ING1: variants seen among roughly 807,000 people sequenced by gnomAD.
The protein encoded by ING1 is inhibitor of growth protein 1.
A neutral mutation model predicts 23.1 loss-of-function variants in ING1; 4 were observed. The observed-to-expected ratio is 0.17, with a 90% CI of 0.09 to 0.40. ING1 has a LOEUF of 0.40. Among genes scored for constraint, ING1 ranks in the 10% least tolerant of loss-of-function variants. ING1 has a pLI of 1.00. For synonymous variants in ING1, 179 were observed against 166.4 expected (o/e 1.08, Z -0.58); for missense variants, 256 against 393.8 (o/e 0.65, Z 2.96).
chr13:110,715,716 C>T (rs375161704), intron 1 of ING1: 39 of 1,589,626 alleles, frequency 2.5e-5, no homozygotes, highest in African/African-American at 4.0e-5. Context: ...GGCCTCCGCC[C>T]TCCAAATCGG....
chr13:110,712,765 C>T (rs2139960651), upstream of ING1: 1 of 706,724 alleles, frequency 1.4e-6, no homozygotes, highest in Non-Finnish European at 2.6e-6. Flanking sequence ...TGACACAGGG[C>T]GGGAAGAGAT....
At chr13:110,713,137 G>A (rs1338335889), upstream of ING1, 3 of 1,429,714 alleles carry the variant, frequency 2.1e-6, no homozygotes, top group Non-Finnish European at 1.8e-6. Flanking sequence ...CATTACTCAC[G>A]GTCTCCCCGC....
In ING1 at chr13:110,721,189, A is replaced by T; in HGVS notation, c.*1257A>T. 1 of 160,282 alleles carries T rather than the reference A, an allele frequency of 6.2e-6. No homozygotes were observed. The allele number at this position is 160,282 out of a possible 1,614,324, so 9.9% of individuals were successfully genotyped here. Reference sequence around the variant, plus strand: ...CCAAAACTATTTTCTGGCCCTCTGCAGAAAGGGTTTGCTGACCTCTGATTT... The same window carrying T: ...CCAAAACTATTTTCTGGCCCTCTGCTGAAAGGGTTTGCTGACCTCTGATTT... On this transcript the variant is annotated 3_prime_UTR_variant, in exon 2 of 2. Transcript: ENST00000333219.
At chr13:110,716,101 T>G (rs1191743019) in intron 1 of ING1, 11 of 1,331,870 alleles carry the variant, frequency 8.3e-6, no homozygotes, top group Non-Finnish European at 1.1e-5. Context: ...CCCCGTGGGG[T>G]GACCCTGGGG....
rs1158106956 is a variant in ING1, at chr13:110,721,277, A to G, written c.*1345A>G. On this transcript the variant is annotated 3_prime_UTR_variant, in exon 2 of 2. Transcript: ENST00000333219. ...AGGGTCAGTGGAGTTTTCATTTATT[A>G]TTTTTTATTTTTTTGAGATTGAGTT... The G allele has an allele frequency of 6.6e-6, 1 of 152,100 alleles. No homozygotes were observed. Among genetic ancestry groups the G allele is most frequent in the Admixed American group, 6.6e-5 (1 of 15,246 alleles). The allele number at this position is 152,100 out of a possible 1,614,324, so 9.4% of individuals were successfully genotyped here.
At chr13:110,715,686 G>GT in intron 1 of ING1, 1 of 1,602,584 alleles carries the variant, frequency 6.2e-7, no homozygotes. Context: ...CCGCCCTGCG[G>GT]TGTGGTTGGT....
chr13:110,715,328 G>A (rs1469962161), intron 1 of ING1: 4 of 1,444,930 alleles, frequency 2.8e-6, no homozygotes, highest in African/African-American at 1.4e-5. Flanking sequence ...AGACGCCTCT[G>A]CCGGGAAGGC....
chr13:110,718,715 T>C (rs2064144120), intron 1 of ING1, among the ~76,000 whole-genome samples: 1 of 151,788 alleles, frequency 6.6e-6, no homozygotes, highest in African/African-American at 2.4e-5. Context: ...ATTCAAATAA[T>C]TTATAATATA....
chr13:110,715,898 G>T, intron 1 of ING1: 1 of 1,585,950 alleles, frequency 6.3e-7, no homozygotes, highest in South Asian at 1.1e-5. Context: ...TGGGCTCGGG[G>T]CCGGGGCTGC....
In ING1 at chr13:110,714,073, T is replaced by C; in HGVS notation, c.-77T>C. 1 of 1,417,528 alleles carries C rather than the reference T, an allele frequency of 7.1e-7. No individual in the cohort carries two copies. The highest frequency in any genetic ancestry group is 1.5e-5 in the African/African-American group (1 of 66,140). 87.8% of individuals were successfully genotyped at this position (1,417,528 alleles called of 1,614,324 possible). A position where few individuals can be genotyped will look rare whatever the true frequency, so the allele number is the denominator to read the frequency against. ...AGAGCGAGGGCTTTGCATTTTGCAGTGCTATTTTTTGAGGGGGGCGGGGGG... is the reference window on the plus strand; with the variant it reads ...AGAGCGAGGGCTTTGCATTTTGCAGCGCTATTTTTTGAGGGGGGCGGGGGG... On this transcript the variant is annotated 5_prime_UTR_variant, in exon 1 of 2. Transcript: ENST00000333219.
At position 110,719,693 on chromosome 13, in the gene ING1, G is replaced by A; in HGVS notation, c.601G>A (p.Ala201Thr). The A allele has an allele frequency of 1.2e-6, 2 of 1,613,900 alleles. No homozygotes were observed. Among genetic ancestry groups the A allele is most frequent in the East Asian group, 2.2e-5 (1 of 44,838 alleles). Residue 201 changes from alanine to threonine, a missense_variant, in exon 2 of 2, where the codon GCC (alanine) becomes ACC (threonine). By Grantham distance (58) the Ala-to-Thr change is moderately conservative (BLOSUM62 0). This residue lies in a region of ING1 where 25 missense variants were observed against 95.8 expected (regional missense o/e 0.26). Transcript: ENST00000333219. The surrounding 1 kb of genome is among the most constrained non-coding windows in gnomAD (Gnocchi z 8.9). Reference sequence around the variant, plus strand: ...CAAGGCGGAGCGAGAGGCGTCCCCTGCCGACCTCCCCATCGACCCCAACGA... The same window carrying A: ...CAAGGCGGAGCGAGAGGCGTCCCCTACCGACCTCCCCATCGACCCCAACGA... Reference protein sequence around the residue: ...KAKAEREASPADLPIDPNEPT... With the variant: ...KAKAEREASPTDLPIDPNEPT...
upstream of ING1, chr13:110,713,290 A>C: frequency 7.8e-7 from 1 of 1,276,820 alleles, no homozygotes; most frequent in East Asian, 3.3e-5. Flanking sequence ...GAGTTGCGGT[A>C]GTTGCTGTGT....
chr13:110,715,474 C>T, intron 1 of ING1: 2 of 1,611,300 alleles, frequency 1.2e-6, no homozygotes, highest in Non-Finnish European at 1.7e-6. Flanking sequence ...TTATCATTCC[C>T]CTGCGGAACG....
chr13:110,716,937 A>G (rs1428943796), intron 1 of ING1, among the ~76,000 whole-genome samples: 1 of 152,232 alleles, frequency 6.6e-6, no homozygotes, highest in Non-Finnish European at 1.5e-5. Context: ...TGGAGTATCA[A>G]AGAAATATTA....
chr13:110,715,969 C>T (rs9555726), intron 1 of ING1: 1,085,898 of 1,526,540 alleles, frequency 0.71, 393,948 homozygotes, highest in Non-Finnish European at 0.74. Context: ...GGCCGCATCT[C>T]TGCTGACCCG....
At position 110,722,375 on chromosome 13, in the gene ING1, A is replaced by G. The variant is rs1422312748; in HGVS notation, c.*2443A>G. On this transcript the variant is annotated 3_prime_UTR_variant, in exon 2 of 2. Coordinates refer to ENST00000333219, the MANE Select transcript of ING1 (RefSeq NM_198219.3). ...AAAAATAGCTTGAGTCTTTGCTTAT[A>G]TAAAATTTCATGCTAATTTTTCACT... 1 of 152,272 alleles carries G rather than the reference A, an allele frequency of 6.6e-6. No individual in the cohort carries two copies. The highest frequency in any genetic ancestry group is 1.9e-4 in the East Asian group (1 of 5,206). 9.4% of individuals were successfully genotyped at this position (152,272 alleles called of 1,614,324 possible). A position where few individuals can be genotyped will look rare whatever the true frequency, so the allele number is the denominator to read the frequency against.
chr13:110,717,418 T>C (rs879567000), intron 1 of ING1, among the ~76,000 whole-genome samples: 1 of 152,228 alleles, frequency 6.6e-6, no homozygotes, highest in African/African-American at 2.4e-5. Flanking sequence ...TGAGTTCTTA[T>C]GTTTACTCTA....
At chr13:110,713,544 G>T, upstream of ING1, 1 of 986,198 alleles carries the variant, frequency 1.0e-6, no homozygotes, top group Non-Finnish European at 1.2e-6. Flanking sequence ...CCACGCCCCC[G>T]CGAGGGCCGG....
At chr13:110,718,730 A>G (rs1159578420) in intron 1 of ING1, among the ~76,000 whole-genome samples, 2 of 151,778 alleles carry the variant, frequency 1.3e-5, no homozygotes, top group Non-Finnish European at 2.9e-5. Flanking sequence ...AATATATTTT[A>G]TTAATGTTTG....
Sources: allele counts gnomAD v4.1 joint callset (sites outside exome capture counted in the v4.1 genomes callset), GRCh38; gene constraint gnomAD v4.1.1; regional missense constraint gnomAD v4.1.1; non-coding constraint Gnocchi (gnomAD v3.1); transcripts MANE v1.5; gene names NCBI Gene and HGNC (gene_info 2026-07-23, HGNC 2026-07-21).